Variants in L2HGDH observed in about 807,000 individuals in gnomAD.
L2HGDH encodes the protein L-2-hydroxyglutarate dehydrogenase, mitochondrial.
Under a neutral mutation model 51.5 loss-of-function variants are expected in L2HGDH, and 34 were observed. The observed-to-expected ratio is 0.66, with a 90% confidence interval of 0.50 to 0.88. L2HGDH has a LOEUF of 0.88. Among genes scored for constraint, L2HGDH ranks in the 40% least tolerant of loss-of-function variants. The pLI, the probability that L2HGDH is intolerant of heterozygous loss-of-function variation, is 0.00. For missense variants in L2HGDH, 558 were observed against 571.9 expected (o/e 0.98, Z 0.25); for synonymous variants, 198 against 197.9 (o/e 1.00, Z -0.01).
At chr14:50,259,366 GT>G (rs34041934) in intron 9 of L2HGDH, among the ~76,000 whole-genome samples, 1,483 of 130,610 alleles carry the variant, frequency 0.011, 38 homozygotes, top group African/African-American at 0.027. Context: ...TTCTTTTTCG[GT>G]TTTTTTTTTT....
intron 6 of L2HGDH, among the ~76,000 whole-genome samples, chr14:50,274,809 G>C (rs1291230223): frequency 2.0e-5 from 3 of 152,106 alleles, no homozygotes; most frequent in African/African-American, 7.2e-5. Context: ...ACAAAATTCT[G>C]CCATTTGTGA....
chr14:50,283,308 C>A (rs1890380190), intron 5 of L2HGDH, among the ~76,000 whole-genome samples: 1 of 152,116 alleles, frequency 6.6e-6, no homozygotes, highest in African/African-American at 2.4e-5. Flanking sequence ...ACAGCCTTGG[C>A]AGTTCAGATT....
At chr14:50,280,064 GAAAAAAA>G (rs201567688) in intron 5 of L2HGDH, among the ~76,000 whole-genome samples, 251 of 118,102 alleles carry the variant, frequency 2.1e-3, no homozygotes, top group Non-Finnish European at 3.9e-3. Flanking sequence ...CGTCTCAAAA[GAAAAAAA>G]AAAAAAAAAG....
intron 5 of L2HGDH, among the ~76,000 whole-genome samples, chr14:50,278,979 A>G (rs1042673439): frequency 1.3e-5 from 2 of 152,248 alleles, no homozygotes; most frequent in African/African-American, 4.8e-5. Context: ...TTAGAAAAGC[A>G]AGAGTTCTCA....
chr14:50,252,589 T>C (rs1246525852), intron 9 of L2HGDH, among the ~76,000 whole-genome samples: 1 of 151,958 alleles, frequency 6.6e-6, no homozygotes, highest in Non-Finnish European at 1.5e-5. Context: ...GAAAAAGATA[T>C]TCCATGACAA....
intron 4 of L2HGDH, among the ~76,000 whole-genome samples, chr14:50,289,851 G>A (rs1890774290): frequency 6.6e-6 from 1 of 152,170 alleles, no homozygotes; most frequent in Non-Finnish European, 1.5e-5. Flanking sequence ...TGTGAGAATG[G>A]AGCTTATGTC....
rs758156311 is a variant in L2HGDH, at chr14:50,311,441, G to A, written c.140+570C>T. ...TCACACAAACTGTTTCTTCTACAGA[G>A]GACAGAGAAAGACAATGGTTTCGAA... On this transcript the variant is annotated intron_variant, in intron 1 of 9. Coordinates refer to ENST00000267436, the MANE Select transcript of L2HGDH (RefSeq NM_024884.3). The A allele has an allele frequency of 6.6e-5, 30 of 455,860 alleles. No homozygotes were observed. Among genetic ancestry groups the A allele is most frequent in the Non-Finnish European group, 1.1e-4 (25 of 226,778 alleles). The allele number at this position is 455,860 out of a possible 1,614,324, so 28.2% of individuals were successfully genotyped here.
intron 1 of L2HGDH, among the ~76,000 whole-genome samples, chr14:50,310,849 C>G (rs756911541): frequency 2.8e-4 from 42 of 152,178 alleles, no homozygotes; most frequent in Admixed American, 4.6e-4. Flanking sequence ...CACTCTACTC[C>G]CCCTATCCAC....
At position 50,297,183 on chromosome 14, in the gene L2HGDH, T is replaced by C. The variant is rs555452909; in HGVS notation, c.409-2937A>G. Among the ~76,000 whole-genome samples the C allele has an allele frequency of 7.9e-5, 12 of 152,290 alleles. 1 individual carries two copies. In the South Asian group the frequency reaches 2.5e-3, roughly 32 times the overall value. On this transcript the variant is annotated intron_variant, in intron 3 of 9. Coordinates refer to ENST00000267436, the MANE Select transcript of L2HGDH (RefSeq NM_024884.3). Reference sequence around the variant, plus strand: ...GGTAAAAGATTGAATGCTTTCTCTATTAGATCAAGAACAATTCAAGAAGGT... The same window carrying C: ...GGTAAAAGATTGAATGCTTTCTCTACTAGATCAAGAACAATTCAAGAAGGT...
At chr14:50,297,934 C>CAA (rs57169909) in intron 3 of L2HGDH, among the ~76,000 whole-genome samples, 5,154 of 148,242 alleles carry the variant, frequency 0.035, 284 homozygotes, top group African/African-American at 0.12. Context: ...GATCCTAACT[C>CAA]AAAAAAAAAA....
chr14:50,255,548 A>AG (rs1481809853), intron 9 of L2HGDH, among the ~76,000 whole-genome samples: 3 of 150,954 alleles, frequency 2.0e-5, no homozygotes, highest in East Asian at 1.9e-4. Flanking sequence ...AAAAAAAAAA[A>AG]AAAAAGAAAA....
At chr14:50,273,992 C>T (rs1408384062) in intron 6 of L2HGDH, among the ~76,000 whole-genome samples, 1 of 152,050 alleles carries the variant, frequency 6.6e-6, no homozygotes, top group Non-Finnish European at 1.5e-5. Context: ...CCAGGAGAAT[C>T]GCTTGAACCC....
intron 5 of L2HGDH, among the ~76,000 whole-genome samples, chr14:50,281,422 G>A (rs1028144009): frequency 3.6e-4 from 54 of 151,970 alleles, no homozygotes; most frequent in African/African-American, 1.2e-3. Context: ...GTGAAACCAC[G>A]TCTCTACTAA....
At position 50,242,817 on chromosome 14, in the gene L2HGDH, G is replaced by A; in HGVS notation, c.*4241C>T. ...ATCTTTAGATAATAGTGTATGCGCA[G>A]AAAGATGAGGAAACCTCTGACCAAG... On this transcript the variant is annotated 3_prime_UTR_variant, in exon 10 of 10. Coordinates refer to ENST00000267436, the MANE Select transcript of L2HGDH (RefSeq NM_024884.3). The A allele has an allele frequency of 1.0e-6, 1 of 985,432 alleles. No homozygotes were observed. Among genetic ancestry groups the A allele is most frequent in the Non-Finnish European group, 1.2e-6 (1 of 829,926 alleles). The allele number at this position is 985,432 out of a possible 1,614,324, so 61.0% of individuals were successfully genotyped here.
intron 9 of L2HGDH, among the ~76,000 whole-genome samples, chr14:50,258,106 C>T (rs1226486655): frequency 2.7e-5 from 4 of 150,198 alleles, no homozygotes; most frequent in Admixed American, 2.7e-4. Context: ...GAAAGAAAAC[C>T]AACAGTATAA....
At chr14:50,311,808 T>C (rs1201699633) in intron 1 of L2HGDH, among the ~76,000 whole-genome samples, 3 of 152,236 alleles carry the variant, frequency 2.0e-5, no homozygotes, top group Non-Finnish European at 4.4e-5. Context: ...CTCTACTCTA[T>C]ACACTGCCTT....
At chr14:50,293,418 C>A in intron 4 of L2HGDH, 1 of 488,732 alleles carries the variant, frequency 2.0e-6, no homozygotes, top group Non-Finnish European at 3.6e-6. Flanking sequence ...ATCTTCTAGA[C>A]CCTGGGCTAG....
intron 1 of L2HGDH, among the ~76,000 whole-genome samples, chr14:50,307,414 A>G (rs2030794918): frequency 6.6e-6 from 1 of 152,220 alleles, no homozygotes; most frequent in South Asian, 2.1e-4. Context: ...CCAAGCATCC[A>G]CTATGGAGAC....
At chr14:50,311,647 T>C (rs1243854556) in intron 1 of L2HGDH, among the ~76,000 whole-genome samples, 2 of 152,238 alleles carry the variant, frequency 1.3e-5, no homozygotes, top group Admixed American at 1.3e-4. Flanking sequence ...TGATTGCTTA[T>C]ACTGTGTGCT....
Sources: gnomAD v4.1 joint callset for allele counts (sites outside exome capture counted in the v4.1 genomes callset) on GRCh38, gnomAD v4.1.1 for gene constraint, MANE v1.5 for transcripts, NCBI Gene and HGNC (gene_info 2026-07-23, HGNC 2026-07-21) for gene names.